Variants in CAMTA1 observed in about 807,000 individuals in gnomAD.
The protein encoded by CAMTA1 is calmodulin-binding transcription activator 1.
Under a neutral mutation model 170.9 loss-of-function variants are expected in CAMTA1, and 27 were observed. The ratio of observed to expected loss-of-function variants is 0.16; its 90% CI spans 0.12 to 0.22. The LOEUF (loss-of-function observed/expected upper bound fraction) is 0.22, where lower values mean the gene tolerates loss of function less well. Ranked by LOEUF, CAMTA1 falls within the 10% of genes least tolerant of loss-of-function variation. The pLI is 1.00. For missense variants in CAMTA1, 1,619 were observed against 2,217.2 expected (o/e 0.73, Z 5.42); for synonymous variants, 833 against 891.5 (o/e 0.93, Z 1.17).
At position 7,300,683 on chromosome 1, in the gene CAMTA1, A is replaced by T. The variant is rs930927108; in HGVS notation, c.438+51057A>T. Among the ~76,000 whole-genome samples the T allele has an allele frequency of 6.6e-6, 1 of 152,178 alleles. No homozygotes were observed. The highest frequency in any genetic ancestry group is 1.5e-5 in the Non-Finnish European group (1 of 68,036). ...CAAAGAGCAAAACTCTGTCTCAAAA[A>T]AAAAAAAATTGTATAGATATTGATT... On this transcript the variant is annotated intron_variant, in intron 5 of 22. Coordinates refer to ENST00000303635, the MANE Select transcript of CAMTA1 (RefSeq NM_015215.4). This position sits in a 1 kb window ranked among gnomAD's most constrained non-coding sequence, Gnocchi z 4.1.
At chr1:7,568,905 CCAT>C (rs1371082425) in intron 6 of CAMTA1, among the ~76,000 whole-genome samples, 3 of 151,544 alleles carry the variant, frequency 2.0e-5, no homozygotes, top group Non-Finnish European at 4.4e-5. Context: ...CCACCACCAT[CCAT>C]CATCAACATC....
intron 3 of CAMTA1, among the ~76,000 whole-genome samples, chr1:7,086,195 T>G (rs1640718971): frequency 6.6e-6 from 1 of 152,078 alleles, no homozygotes; most frequent in African/African-American, 2.4e-5. Flanking sequence ...CTTTGGAGCC[T>G]GCAGCAAATT....
chr1:7,103,425 CCTACACACA>C (rs1213715272), intron 4 of CAMTA1, among the ~76,000 whole-genome samples: 408 of 32,560 alleles, frequency 0.013, 1 homozygote, highest in African/African-American at 0.12. Context: ...AGCACACACA[CCTACACACA>C]CTACACACAT....
chr1:6,820,713 C>T lies in CAMTA1; in HGVS notation c.115+463C>T, dbSNP rs565440863. Among the ~76,000 whole-genome samples, 14 of 152,250 alleles carry T rather than the reference C, an allele frequency of 9.2e-5. No individual in the cohort carries two copies. In the South Asian group the frequency reaches 2.7e-3, roughly 29 times the overall value. ...GAGTAATTAAGCCCTTGTGTTTTAT[C>T]GTGAGGATTAAATGAAAGAGTGCAA... On this transcript the variant is annotated intron_variant, in intron 2 of 22. Transcript: ENST00000303635.
At chr1:6,835,271 G>C (rs1241656160) in intron 3 of CAMTA1, among the ~76,000 whole-genome samples, 1 of 152,228 alleles carries the variant, frequency 6.6e-6, no homozygotes, top group Non-Finnish European at 1.5e-5. Context: ...ATGAAGAGCA[G>C]TTGAGTGGAG....
intron 4 of CAMTA1, among the ~76,000 whole-genome samples, chr1:7,207,712 T>C (rs1026818862): frequency 2.6e-5 from 4 of 152,190 alleles, no homozygotes; most frequent in Non-Finnish European, 5.9e-5. Flanking sequence ...CCACCGGCTC[T>C]GTGCTTCTCC....
chr1:7,645,716 A>G (rs1405158299), intron 7 of CAMTA1, among the ~76,000 whole-genome samples: 1 of 152,260 alleles, frequency 6.6e-6, no homozygotes, highest in Non-Finnish European at 1.5e-5. Context: ...AGGCCAGAGT[A>G]CTCAGGCCTC....
chr1:7,497,543 T>A (rs140688383), intron 6 of CAMTA1, among the ~76,000 whole-genome samples: 134 of 152,318 alleles, frequency 8.8e-4, no homozygotes, highest in African/African-American at 3.1e-3. Context: ...CAGCCTTTGT[T>A]GCTTCACCCA....
chr1:7,545,095 AT>A (rs2094672818), intron 6 of CAMTA1, among the ~76,000 whole-genome samples: 1 of 152,170 alleles, frequency 6.6e-6, no homozygotes, highest in Non-Finnish European at 1.5e-5. Context: ...TTCATGCCTC[AT>A]TTATATTGCT....
intron 4 of CAMTA1, among the ~76,000 whole-genome samples, chr1:7,242,428 G>A (rs776584376): frequency 2.0e-5 from 3 of 152,110 alleles, no homozygotes; most frequent in Non-Finnish European, 4.4e-5. Context: ...ATTGTTGCTG[G>A]GTTTTCAATC....
intron 3 of CAMTA1, among the ~76,000 whole-genome samples, chr1:7,043,815 G>T (rs1704894508): frequency 6.6e-6 from 1 of 152,156 alleles, no homozygotes; most frequent in African/African-American, 2.4e-5. Flanking sequence ...GGGCCCTCAG[G>T]CTAGAGCTTT....
chr1:7,479,146 C>T (rs1421292314), intron 6 of CAMTA1, among the ~76,000 whole-genome samples: 2 of 152,218 alleles, frequency 1.3e-5, no homozygotes, highest in African/African-American at 4.8e-5. Context: ...ACAAGGAAGT[C>T]CCATGACATG....
At chr1:7,689,182 G>T in intron 11 of CAMTA1, among the ~76,000 whole-genome samples, 1 of 139,338 alleles carries the variant, frequency 7.2e-6, no homozygotes, top group Non-Finnish European at 1.6e-5. Context: ...CAGGAGAATC[G>T]CTTGAACCCA....
chr1:7,652,523 A>G (rs1279959896), intron 7 of CAMTA1, among the ~76,000 whole-genome samples: 1 of 152,156 alleles, frequency 6.6e-6, no homozygotes, highest in Non-Finnish European at 1.5e-5. Flanking sequence ...CCCAGCCAGC[A>G]AGGCCTGGCC....
chr1:7,454,772 C>A (rs2092911924), intron 5 of CAMTA1, among the ~76,000 whole-genome samples: 1 of 152,114 alleles, frequency 6.6e-6, no homozygotes, highest in African/African-American at 2.4e-5. Context: ...GTGCAGAGCT[C>A]CCTGGGGACA....
chr1:7,062,739 G>A (rs1033457422), intron 3 of CAMTA1, among the ~76,000 whole-genome samples: 1 of 152,180 alleles, frequency 6.6e-6, no homozygotes, highest in Non-Finnish European at 1.5e-5. Context: ...CATAGTTCCC[G>A]AGGCCCGACC....
intron 5 of CAMTA1, among the ~76,000 whole-genome samples, chr1:7,395,726 A>T (rs1030030684): frequency 6.6e-6 from 1 of 151,980 alleles, no homozygotes; most frequent in Admixed American, 6.6e-5. Flanking sequence ...CTTTTCATTT[A>T]TTTGTGTCCT....
Position 7,745,852 on chromosome 1 carries a change from T to A in CAMTA1, c.4378T>A (p.Tyr1460Asn). Residue 1460 changes from tyrosine (Y) to asparagine (N), a missense_variant, in exon 18 of 23, where the codon TAT becomes AAT. Coordinates refer to ENST00000303635, the MANE Select transcript of CAMTA1 (RefSeq NM_015215.4). ...TTTCTCCTCTTGTTTCAGAAGTGCA[T>A]ATAACGAGCCTCTAACCCCTTCTTC... ...LPSAAQIRSAYNEPLTPSSNT... is the reference protein window; with the variant it reads ...LPSAAQIRSANNEPLTPSSNT... 6.2e-7 allele frequency: 1 copy of A among 1,614,196 alleles called. No homozygotes were observed. Among genetic ancestry groups the A allele is most frequent in the East Asian group, 2.2e-5 (1 of 44,880 alleles).
At chr1:7,432,933 C>T (rs923633941) in intron 5 of CAMTA1, among the ~76,000 whole-genome samples, 6 of 152,232 alleles carry the variant, frequency 3.9e-5, no homozygotes, top group Non-Finnish European at 8.8e-5. Flanking sequence ...TGCCTTTCTT[C>T]GTGCATAGGT....
Sources: gnomAD v4.1 joint callset for allele counts (sites outside exome capture counted in the v4.1 genomes callset) on GRCh38, gnomAD v4.1.1 for gene constraint, Gnocchi (gnomAD v3.1) non-coding constraint, MANE v1.5 for transcripts, NCBI Gene and HGNC (gene_info 2026-07-23, HGNC 2026-07-21) for gene names.